Variants in HDAC9 observed in about 807,000 individuals in gnomAD.
The protein encoded by HDAC9 is MEF-2 interacting transcription repressor (MITR) protein.
Under a neutral mutation model 139.4 loss-of-function variants are expected in HDAC9, and 41 were observed. That is an observed-to-expected ratio of 0.29 (90% confidence interval 0.23 to 0.38). HDAC9 has a LOEUF of 0.38. Among genes scored for constraint, HDAC9 ranks in the 10% least tolerant of loss-of-function variants. The pLI is 1.00. For synonymous variants in HDAC9, 517 were observed against 476.2 expected (o/e 1.09, Z -1.12); for missense variants, 1,147 against 1,297.0 (o/e 0.88, Z 1.78).
intron 2 of HDAC9, among the ~76,000 whole-genome samples, chr7:18,554,045 G>A (rs1817961624): frequency 6.6e-6 from 1 of 152,130 alleles, no homozygotes. Flanking sequence ...CTCCTGCCTA[G>A]TAATTATTAG....
chr7:18,253,520 T>C (rs778090568), intron 2 of HDAC9, among the ~76,000 whole-genome samples: 3 of 152,248 alleles, frequency 2.0e-5, no homozygotes, highest in African/African-American at 7.2e-5. Context: ...TGAGCTTTTT[T>C]TCATATGCTT....
At chr7:18,482,650 T>A (rs1250100541) in intron 1 of HDAC9, among the ~76,000 whole-genome samples, 1 of 152,110 alleles carries the variant, frequency 6.6e-6, no homozygotes, top group East Asian at 1.9e-4. Flanking sequence ...TTATTTATTT[T>A]TTTTCTTAGA....
intron 1 of HDAC9, among the ~76,000 whole-genome samples, chr7:18,446,042 A>AAT (rs1562995580): frequency 6.6e-6 from 1 of 152,226 alleles, no homozygotes; most frequent in Non-Finnish European, 1.5e-5. Flanking sequence ...GCTCTATTTA[A>AAT]AAAGTGTAGG....
chr7:18,295,212 C>T (rs1346284978), intron 1 of HDAC9, among the ~76,000 whole-genome samples: 1 of 152,004 alleles, frequency 6.6e-6, no homozygotes, highest in Non-Finnish European at 1.5e-5. Context: ...AGAGGAGAAG[C>T]AGCCAGTAAA....
chr7:18,544,738 G>T (rs1814203612), intron 2 of HDAC9, among the ~76,000 whole-genome samples: 1 of 152,176 alleles, frequency 6.6e-6, no homozygotes, highest in African/African-American at 2.4e-5. Context: ...ATTTCAGGAA[G>T]GGGGAGCTGA....
chr7:18,425,277 T>G (rs962035421), intron 1 of HDAC9, among the ~76,000 whole-genome samples: 1 of 152,180 alleles, frequency 6.6e-6, no homozygotes, highest in Non-Finnish European at 1.5e-5. Context: ...CAAGTAGATA[T>G]AGAAATAGTT....
chr7:18,985,911 G>A (rs1161658562), intron 25 of HDAC9, among the ~76,000 whole-genome samples: 2 of 66,414 alleles, frequency 3.0e-5, no homozygotes, highest in African/African-American at 2.0e-4. Flanking sequence ...ACTTTTTGAT[G>A]GGGTTGTTTG....
intron 6 of HDAC9, among the ~76,000 whole-genome samples, chr7:18,628,696 C>A (rs1345208885): frequency 6.6e-6 from 1 of 152,084 alleles, no homozygotes; most frequent in Non-Finnish European, 1.5e-5. Flanking sequence ...TAACTCAGAA[C>A]CTTCAATTCG....
At chr7:18,988,387 T>G (rs1469689030) in intron 25 of HDAC9, among the ~76,000 whole-genome samples, 11 of 152,234 alleles carry the variant, frequency 7.2e-5, no homozygotes, top group South Asian at 4.1e-4. Flanking sequence ...GTGAGCTTCT[T>G]AATCCTGAGT....
intron 2 of HDAC9, among the ~76,000 whole-genome samples, chr7:18,183,062 T>C (rs577799303): frequency 6.6e-6 from 1 of 151,268 alleles, no homozygotes; most frequent in Admixed American, 6.6e-5. Flanking sequence ...CGTGCTGGAG[T>C]GCAGTGGCGC....
At chr7:18,484,249 T>A (rs1358040581) in intron 1 of HDAC9, among the ~76,000 whole-genome samples, 2 of 148,406 alleles carry the variant, frequency 1.3e-5, no homozygotes, top group Non-Finnish European at 3.0e-5. Context: ...GGGGAGAGGA[T>A]CCCTTGAGCC....
intron 2 of HDAC9, among the ~76,000 whole-genome samples, chr7:18,184,801 T>C (rs529116764): frequency 5.4e-4 from 83 of 152,354 alleles, no homozygotes; most frequent in Non-Finnish European, 9.7e-4. Context: ...AGCTATATAG[T>C]TGTGTCAGAT....
intron 8 of HDAC9, among the ~76,000 whole-genome samples, chr7:18,643,158 TA>T (rs1398809127): frequency 1.3e-5 from 2 of 152,138 alleles, no homozygotes; most frequent in Non-Finnish European, 2.9e-5. Context: ...GTGAAAAGCT[TA>T]TTATTTGTAT....
At chr7:18,806,219 C>T (rs1040758956) in intron 17 of HDAC9, among the ~76,000 whole-genome samples, 1 of 152,190 alleles carries the variant, frequency 6.6e-6, no homozygotes, top group Non-Finnish European at 1.5e-5. Flanking sequence ...TATTAACTTT[C>T]TATTGCTGCT....
intron 7 of HDAC9, among the ~76,000 whole-genome samples, chr7:18,630,147 T>G (rs911096658): frequency 6.6e-6 from 1 of 152,026 alleles, no homozygotes; most frequent in Non-Finnish European, 1.5e-5. Context: ...TGGTTTGAAA[T>G]GAAAGACCTA....
At chr7:18,263,121 A>G (rs868617379) in intron 2 of HDAC9, among the ~76,000 whole-genome samples, 4 of 152,218 alleles carry the variant, frequency 2.6e-5, no homozygotes, top group Non-Finnish European at 5.9e-5. Context: ...CACATATGAG[A>G]TTCAGAGACA....
chr7:18,964,531 C>A (rs1008171939), intron 24 of HDAC9, among the ~76,000 whole-genome samples: 2 of 152,036 alleles, frequency 1.3e-5, no homozygotes, highest in African/African-American at 4.8e-5. Context: ...GTAATAAAAT[C>A]GAAAAGTAAG....
At chr7:18,272,934 A>G (rs1404723453) in intron 2 of HDAC9, among the ~76,000 whole-genome samples, 96 of 146,226 alleles carry the variant, frequency 6.6e-4, no homozygotes, top group African/African-American at 2.2e-3. Context: ...TACTACTACT[A>G]CTACTACTAC....
At chr7:18,194,990 G>T (rs1453011996) in intron 2 of HDAC9, among the ~76,000 whole-genome samples, 1 of 151,794 alleles carries the variant, frequency 6.6e-6, no homozygotes, top group East Asian at 1.9e-4. Context: ...AGGAGGAAAG[G>T]TTGGTTTAAG....
Sources: gnomAD v4.1 joint callset for allele counts (sites outside exome capture counted in the v4.1 genomes callset) on GRCh38, gnomAD v4.1.1 for gene constraint, MANE v1.5 for transcripts, NCBI Gene and HGNC (gene_info 2026-07-23, HGNC 2026-07-21) for gene names.